Variants in ARID2 observed in about 807,000 individuals in gnomAD.
The protein encoded by ARID2 is AT-rich interaction domain 2, also known as AT-rich interactive domain-containing protein 2.
A neutral mutation model predicts 184.6 loss-of-function variants in ARID2; 32 were observed. The observed-to-expected ratio is 0.17, with a 90% confidence interval of 0.13 to 0.23. The LOEUF is 0.23. Ranked by LOEUF, ARID2 falls within the 10% of genes least tolerant of loss-of-function variation. The pLI is 1.00. For synonymous variants in ARID2, 836 were observed against 772.6 expected (o/e 1.08, Z -1.36); for missense variants, 1,696 against 2,197.6 (o/e 0.77, Z 4.56).
At chr12:45,814,055 G>A (rs149954615) in intron 4 of ARID2, among the ~76,000 whole-genome samples, 1 of 151,980 alleles carries the variant, frequency 6.6e-6, no homozygotes, top group East Asian at 1.9e-4. Context: ...CCAAGTACCC[G>A]GTCCATTTGC....
intron 16 of ARID2, among the ~76,000 whole-genome samples, chr12:45,885,613 G>A (rs1169276812): frequency 1.3e-5 from 2 of 152,158 alleles, no homozygotes; most frequent in Admixed American, 6.5e-5. Flanking sequence ...ATAAAGAACT[G>A]CCAGAGACTG....
At chr12:45,844,140 C>T (rs577915209) in intron 11 of ARID2, among the ~76,000 whole-genome samples, 4 of 146,792 alleles carry the variant, frequency 2.7e-5, no homozygotes, top group South Asian at 4.3e-4. Context: ...GGAGCTCAAT[C>T]GATCCCCCTA....
chr12:45,837,769 G>A (rs2138133378), intron 10 of ARID2, 62 bp downstream of exon 10: 1 of 1,430,896 alleles, frequency 7.0e-7, no homozygotes, highest in Non-Finnish European at 9.6e-7. Flanking sequence ...ATATGGTACT[G>A]TACAAAACCC....
At chr12:45,886,478 G>A (rs747092816) in intron 16 of ARID2, among the ~76,000 whole-genome samples, 1 of 152,230 alleles carries the variant, frequency 6.6e-6, no homozygotes, top group African/African-American at 2.4e-5. Flanking sequence ...CTGGGGTCTG[G>A]AGGATGATGG....
In ARID2 at chr12:45,729,800, C is replaced by G; in HGVS notation, c.-37C>G. 6.4e-7 allele frequency: 1 copy of G among 1,560,122 alleles called. No individual in the cohort carries two copies. On this transcript the variant is annotated 5_prime_UTR_variant, in exon 1 of 21. Coordinates refer to ENST00000334344, the MANE Select transcript of ARID2 (RefSeq NM_152641.4). ...GGAGCGGGGGGCGCTTTTAAAACAC[C>G]GATCTGGGTTTTTTAAAAACCTCCT... is the stretch of plus-strand genomic sequence containing the variant.
chr12:45,760,807 C>T (rs1941662971), intron 3 of ARID2, among the ~76,000 whole-genome samples: 1 of 151,486 alleles, frequency 6.6e-6, no homozygotes, highest in Admixed American at 6.6e-5. Context: ...TTCAGCTTTG[C>T]TGGATCCTGG....
chr12:45,769,435 T>C (rs1941828305), intron 3 of ARID2, among the ~76,000 whole-genome samples: 1 of 152,052 alleles, frequency 6.6e-6, no homozygotes, highest in South Asian at 2.1e-4. Context: ...AGTCACAGAT[T>C]TGTACTGGCA....
chr12:45,888,213 C>G (rs1427761290), intron 16 of ARID2, among the ~76,000 whole-genome samples: 1 of 150,426 alleles, frequency 6.6e-6, no homozygotes, highest in Non-Finnish European at 1.5e-5. Flanking sequence ...AAAAAAAGCT[C>G]TAATGAAATG....
chr12:45,899,677 A>ATATATG (rs1437724619), intron 20 of ARID2, among the ~76,000 whole-genome samples: 1 of 69,904 alleles, frequency 1.4e-5, no homozygotes, highest in Non-Finnish European at 3.3e-5. Context: ...ATGGTTATAT[A>ATATATG]TGGTTATATA....
chr12:45,773,716 CAAAT>C (rs1941922078), intron 3 of ARID2, among the ~76,000 whole-genome samples: 2 of 151,652 alleles, frequency 1.3e-5, no homozygotes, highest in South Asian at 2.1e-4. Flanking sequence ...AGACCTATAA[CAAAT>C]AAAGAGATTG....
At chr12:45,734,404 A>T (rs937921675) in intron 3 of ARID2, among the ~76,000 whole-genome samples, 1 of 152,056 alleles carries the variant, frequency 6.6e-6, no homozygotes, top group African/African-American at 2.4e-5. Flanking sequence ...ATAAATTAAA[A>T]ATTGGATACT....
intron 3 of ARID2, among the ~76,000 whole-genome samples, chr12:45,803,901 AG>A (rs1942552446): frequency 6.6e-6 from 1 of 152,210 alleles, no homozygotes; most frequent in African/African-American, 2.4e-5. Context: ...ATAACGAATG[AG>A]TAAAGGTTCC....
At position 45,851,459 on chromosome 12, in the gene ARID2, G is replaced by C. The variant is rs2138171192; in HGVS notation, c.3336G>C (p.Gln1112His). Reference protein sequence around the residue: ...ASNQAAGFGVQGQTPAQQLLV... With the variant: ...ASNQAAGFGVHGQTPAQQLLV... Reference sequence around the variant, plus strand: ...ACCAAGCCGCAGGTTTTGGAGTGCAGGGGCAAACTCCAGCTCAGCAGCTAT... The same window carrying C: ...ACCAAGCCGCAGGTTTTGGAGTGCACGGGCAAACTCCAGCTCAGCAGCTAT... Residue 1112 changes from glutamine (Q) to histidine (H), a missense_variant, in exon 15 of 21, where the codon CAG (glutamine) becomes CAC (histidine). This residue lies in a region of ARID2 where 713 missense variants were observed against 824.4 expected (regional missense o/e 0.86). Coordinates refer to ENST00000334344, the MANE Select transcript of ARID2 (RefSeq NM_152641.4). 1 of 1,614,144 alleles carries C rather than the reference G, an allele frequency of 6.2e-7. No homozygotes were observed. The highest frequency in any genetic ancestry group is 2.2e-5 in the East Asian group (1 of 44,878).
chr12:45,777,137 CTT>C (rs1941999815), intron 3 of ARID2, among the ~76,000 whole-genome samples: 1 of 151,544 alleles, frequency 6.6e-6, no homozygotes, highest in South Asian at 2.1e-4. Flanking sequence ...AAAAAGGAAA[CTT>C]TAAAAATGGA....
chr12:45,871,520 C>T (rs1393314937), intron 16 of ARID2, among the ~76,000 whole-genome samples: 1 of 152,070 alleles, frequency 6.6e-6, no homozygotes, highest in African/African-American at 2.4e-5. Context: ...AATATTTTTC[C>T]TGAGGATGTT....
chr12:45,876,582 A>G (rs552073635), intron 16 of ARID2, among the ~76,000 whole-genome samples: 70 of 149,056 alleles, frequency 4.7e-4, no homozygotes, highest in African/African-American at 1.7e-3. Flanking sequence ...AAAAAAAAAA[A>G]GACACAGAAC....
intron 3 of ARID2, among the ~76,000 whole-genome samples, chr12:45,741,826 G>A (rs542187885): frequency 2.6e-5 from 4 of 152,300 alleles, no homozygotes; most frequent in African/African-American, 7.2e-5. Context: ...TGATAGGTGT[G>A]CTCATTGCTA....
intron 6 of ARID2, among the ~76,000 whole-genome samples, chr12:45,822,214 C>G (rs1487236612): frequency 2.0e-5 from 3 of 152,096 alleles, no homozygotes; most frequent in East Asian, 3.8e-4. Context: ...AAAAGTAGCT[C>G]TCTTGGGCTG....
At chr12:45,886,206 A>G (rs964969653) in intron 16 of ARID2, among the ~76,000 whole-genome samples, 3 of 151,990 alleles carry the variant, frequency 2.0e-5, no homozygotes, top group Non-Finnish European at 4.4e-5. Context: ...GCCAAAACAA[A>G]GAGGCTACAG....
Sources: allele counts gnomAD v4.1 joint callset (sites outside exome capture counted in the v4.1 genomes callset), GRCh38; gene constraint gnomAD v4.1.1; regional missense constraint gnomAD v4.1.1; transcripts MANE v1.5; gene names NCBI Gene and HGNC (gene_info 2026-07-23, HGNC 2026-07-21).